The following NRXN3 variants were observed in gnomAD, a reference collection of about 807,000 sequenced individuals.
NRXN3 encodes the protein neurexin 3.
In NRXN3, 32 loss-of-function variants were observed where a neutral mutation model predicts 137.6. The observed-to-expected ratio is 0.23, with a 90% CI of 0.18 to 0.31. The LOEUF (loss-of-function observed/expected upper bound fraction) is 0.31. Among genes scored for constraint, NRXN3 ranks in the 10% least tolerant of loss-of-function variants. The probability of loss-of-function intolerance (pLI) is 1.00; values close to 1 mark genes in which losing one functional copy is unlikely to be tolerated. For missense variants in NRXN3, 1,574 were observed against 2,062.5 expected, an observed-to-expected ratio of 0.76 and a Z score of 4.59; for synonymous variants, 798 against 784.5, an observed-to-expected ratio of 1.02 and a Z score of -0.29.
At position 78,866,244 on chromosome 14, in the gene NRXN3, T is replaced by A. The variant is rs145814427; in HGVS notation, c.2275+55900T>A. On this transcript the variant is annotated intron_variant, in intron 10 of 20. Coordinates refer to ENST00000335750, the MANE Select transcript of NRXN3 (RefSeq NM_001330195.2). ...GTTCTGGGGAAAGAAAAGAAAAAAA[T>A]GACGTTTTCATCATCACACTGAAAA... is the stretch of plus-strand genomic sequence containing the variant. Among the ~76,000 whole-genome samples the A allele has an allele frequency of 9.0e-4, 137 of 152,190 alleles. 4 individuals are homozygous for A. The East Asian group carries it at 0.02, about 23-fold the overall frequency.
At chr14:79,253,871 C>A (rs887599077) in intron 15 of NRXN3, among the ~76,000 whole-genome samples, 1 of 152,152 alleles carries the variant, frequency 6.6e-6, no homozygotes, top group Non-Finnish European at 1.5e-5. Flanking sequence ...GAACACAGAG[C>A]CAAACGATAT....
intron 3 of NRXN3, among the ~76,000 whole-genome samples, chr14:78,285,175 T>C (rs184565606): frequency 6.6e-6 from 1 of 152,288 alleles, no homozygotes; most frequent in African/African-American, 2.4e-5. Context: ...TGAGATACCT[T>C]GGGGAATAGC....
intron 10 of NRXN3, among the ~76,000 whole-genome samples, chr14:78,810,551 G>C (rs2098906591): frequency 6.6e-6 from 1 of 151,960 alleles, no homozygotes; most frequent in Non-Finnish European, 1.5e-5. Flanking sequence ...TGAAGTGAGG[G>C]CAGGTCCTCT....
Position 79,037,254 on chromosome 14 carries a change from T to C in NRXN3, c.3262+49113T>C, listed in dbSNP as rs919024522. On this transcript the variant is annotated intron_variant, in intron 15 of 20. Coordinates refer to ENST00000335750, the MANE Select transcript of NRXN3 (RefSeq NM_001330195.2). ...TGAATGCCTTGCTTTCAACCAAAGCTGAGATAAAAAGTGCGCGCATGTGCA... is the reference window on the plus strand; with the variant it reads ...TGAATGCCTTGCTTTCAACCAAAGCCGAGATAAAAAGTGCGCGCATGTGCA... 5.9e-5 allele frequency among the ~76,000 whole-genome samples: 9 copies of C among 152,128 alleles called. No homozygotes were observed. In the South Asian group the frequency reaches 1.0e-3, roughly 18 times the overall value.
chr14:78,752,623 C>T (rs916996132), intron 8 of NRXN3, among the ~76,000 whole-genome samples: 34 of 152,002 alleles, frequency 2.2e-4, no homozygotes, highest in African/African-American at 7.0e-4. Flanking sequence ...GAAGAAGAGA[C>T]ATTAAAGTGA....
intron 4 of NRXN3, among the ~76,000 whole-genome samples, chr14:78,324,887 G>C (rs2079857876): frequency 1.3e-5 from 2 of 151,842 alleles, no homozygotes; most frequent in African/African-American, 4.9e-5. Context: ...GGTCAGGTGA[G>C]AAGACCCAAT....
intron 15 of NRXN3, among the ~76,000 whole-genome samples, chr14:79,109,788 G>A (rs1039108353): frequency 8.5e-5 from 13 of 152,052 alleles, no homozygotes; most frequent in African/African-American, 2.7e-4. Context: ...TATAAGTATC[G>A]TTTGTCATGC....
intron 10 of NRXN3, among the ~76,000 whole-genome samples, chr14:78,947,541 C>G (rs2099368107): frequency 1.3e-5 from 2 of 152,202 alleles, no homozygotes; most frequent in Non-Finnish European, 1.5e-5. Flanking sequence ...CTTGAATAGA[C>G]TTACGCTATT....
At chr14:78,547,119 A>G (rs151014984) in intron 4 of NRXN3, among the ~76,000 whole-genome samples, 6 of 152,202 alleles carry the variant, frequency 3.9e-5, no homozygotes, top group African/African-American at 1.2e-4. Context: ...CTTTTCATCT[A>G]TTCCTAGCAT....
chr14:79,527,609 A>G (rs1188164221), intron 16 of NRXN3, among the ~76,000 whole-genome samples: 1 of 152,088 alleles, frequency 6.6e-6, no homozygotes, highest in Non-Finnish European at 1.5e-5. Context: ...ATGGTGGCTC[A>G]TGCCTGTAAT....
intron 1 of NRXN3, among the ~76,000 whole-genome samples, chr14:78,184,231 C>T (rs1317961484): frequency 1.3e-5 from 2 of 152,230 alleles, no homozygotes; most frequent in Non-Finnish European, 2.9e-5. Flanking sequence ...TTCATTCACT[C>T]ATTTAACAAG....
intron 19 of NRXN3, among the ~76,000 whole-genome samples, chr14:79,756,533 T>C (rs2099020159): frequency 6.6e-6 from 1 of 152,204 alleles, no homozygotes; most frequent in African/African-American, 2.4e-5. Flanking sequence ...TCTTCTTTTA[T>C]AGCTTTTGTC....
At chr14:78,171,912 A>G (rs2058761337) in intron 1 of NRXN3, among the ~76,000 whole-genome samples, 1 of 151,842 alleles carries the variant, frequency 6.6e-6, no homozygotes, top group South Asian at 2.1e-4. Flanking sequence ...TTTTTAATGC[A>G]AAGGTCAGAG....
In NRXN3 at chr14:79,864,098, A is replaced by T. The variant is rs1000090474; in HGVS notation, c.*2134A>T. On this transcript the variant is annotated 3_prime_UTR_variant, in exon 21 of 21. Coordinates refer to ENST00000335750, the MANE Select transcript of NRXN3 (RefSeq NM_001330195.2). ...CGGCCCAGCCTATACGAAGTTGATT[A>T]TATCTCGATGTCTGTAAAAGATTGC... 6.6e-6 allele frequency: 1 copy of T among 152,656 alleles called. No homozygotes were observed. The highest frequency in any genetic ancestry group is 2.4e-5 in the African/African-American group (1 of 41,462). 9.5% of individuals were successfully genotyped at this position (152,656 alleles called of 1,614,324 possible).
chr14:78,853,317 G>A (rs1214767870), intron 10 of NRXN3, among the ~76,000 whole-genome samples: 2 of 152,064 alleles, frequency 1.3e-5, no homozygotes, highest in African/African-American at 4.8e-5. Context: ...AACATGCGGT[G>A]TTTGGTTTTT....
At chr14:78,659,385 A>G (rs2097815142) in intron 6 of NRXN3, among the ~76,000 whole-genome samples, 1 of 152,108 alleles carries the variant, frequency 6.6e-6, no homozygotes, top group African/African-American at 2.4e-5. Flanking sequence ...TAAAAAAAAG[A>G]TGGCCATTTT....
chr14:78,827,902 G>A (rs1216153780), intron 10 of NRXN3, among the ~76,000 whole-genome samples: 1 of 152,208 alleles, frequency 6.6e-6, no homozygotes. Flanking sequence ...CTATTTAACA[G>A]CATACATAGT....
At chr14:78,897,603 C>T (rs1157604358) in intron 10 of NRXN3, among the ~76,000 whole-genome samples, 1 of 151,864 alleles carries the variant, frequency 6.6e-6, no homozygotes, top group Non-Finnish European at 1.5e-5. Flanking sequence ...CTGGCCATGG[C>T]ACTTCTCAAA....
At chr14:79,530,033 G>C (rs774137044) in intron 16 of NRXN3, among the ~76,000 whole-genome samples, 2 of 152,144 alleles carry the variant, frequency 1.3e-5, no homozygotes, top group Non-Finnish European at 2.9e-5. Flanking sequence ...CCAGAATGGA[G>C]GTAGGAGGAG....
Sources: gnomAD v4.1 joint callset for allele counts (sites outside exome capture counted in the v4.1 genomes callset) on GRCh38, gnomAD v4.1.1 for gene constraint, MANE v1.5 for transcripts, NCBI Gene and HGNC (gene_info 2026-07-23, HGNC 2026-07-21) for gene names.